CDH4: variants seen among roughly 807,000 people sequenced by gnomAD.
CDH4 encodes cadherin 4.
Under a neutral mutation model 86.0 loss-of-function variants are expected in CDH4, and 33 were observed. The ratio of observed to expected loss-of-function variants is 0.38; its 90% CI spans 0.29 to 0.51. The LOEUF (loss-of-function observed/expected upper bound fraction) is 0.51. Among genes scored for constraint, CDH4 ranks in the 20% least tolerant of loss-of-function variants. CDH4 has a pLI of 0.86. For synonymous variants in CDH4, 555 were observed against 549.4 expected (o/e 1.01, Z -0.14); for missense variants, 1,114 against 1,307.4 (o/e 0.85, Z 2.28).
intron 2 of CDH4, among the ~76,000 whole-genome samples, chr20:61,584,048 T>A (rs773554191): frequency 2.6e-5 from 4 of 152,122 alleles, no homozygotes; most frequent in Non-Finnish European, 5.9e-5. Context: ...TAGTCTCAGC[T>A]ACTTAGGAGG....
At position 61,545,814 on chromosome 20, in the gene CDH4, G is replaced by A. The variant is rs1156232696; in HGVS notation, c.170-197749G>A. Among the ~76,000 whole-genome samples, 9 of 150,794 alleles carry A rather than the reference G, an allele frequency of 6.0e-5. No individual in the cohort carries two copies. In the South Asian group the frequency reaches 8.5e-4, roughly 14 times the overall value. On this transcript the variant is annotated intron_variant, in intron 2 of 15. Transcript: ENST00000614565. ...TTGGGGGGTATGTGGGATACGGTGC[G>A]TGTTCACATGTGTGTATGTGTGTGT...
chr20:61,880,776 C>T (rs576638198), intron 7 of CDH4, among the ~76,000 whole-genome samples: 43 of 152,368 alleles, frequency 2.8e-4, no homozygotes, highest in African/African-American at 9.6e-4. Flanking sequence ...CTGGGCAGTG[C>T]GTGCTCTGAA....
intron 2 of CDH4, among the ~76,000 whole-genome samples, chr20:61,363,048 G>A (rs971689760): frequency 9.9e-5 from 15 of 152,172 alleles, no homozygotes; most frequent in African/African-American, 3.6e-4. Flanking sequence ...TGTGAGGACA[G>A]TGAGTTTCTT....
rs1366441603 is a variant in CDH4 at position 61,544,340 on chromosome 20, C to T, written c.170-199223C>T. On this transcript the variant is annotated intron_variant, in intron 2 of 15. Coordinates refer to ENST00000614565, the MANE Select transcript of CDH4 (RefSeq NM_001794.5). This position sits in a 1 kb window ranked among gnomAD's most constrained non-coding sequence, Gnocchi z 6.5. ...ACAGCCTCGCAGCAGAAGCATCCAG[C>T]TCCATGTATCACTCGTGTCCAGGCC... 2.0e-5 allele frequency among the ~76,000 whole-genome samples: 3 copies of T among 151,966 alleles called. No homozygotes were observed. Among genetic ancestry groups the T allele is most frequent in the Non-Finnish European group, 4.4e-5 (3 of 68,012 alleles).
intron 2 of CDH4, among the ~76,000 whole-genome samples, chr20:61,580,807 C>A (rs1233362514): frequency 3.9e-5 from 6 of 152,104 alleles, no homozygotes. Context: ...CAAAGTGGGC[C>A]GACCCCAGTC....
Position 61,809,902 on chromosome 20 carries a change from A to AGCG in CDH4, c.577-34765_577-34763dup, listed in dbSNP as rs544712686. ...CTGCAGGCCACAGACCGTGGTGAAG[A>AGCG]GCGTGTGCATTGCTCTCAGTGGCAC... is the stretch of plus-strand genomic sequence containing the variant. On this transcript the variant is annotated intron_variant, in intron 4 of 15. Coordinates refer to ENST00000614565, the MANE Select transcript of CDH4 (RefSeq NM_001794.5). Among the ~76,000 whole-genome samples the AGCG allele has an allele frequency of 4.0e-3, 616 of 152,146 alleles. 2 individuals are homozygous for AGCG. The highest frequency in any genetic ancestry group is 0.013 in the African/African-American group (548 of 41,504).
At chr20:61,627,179 C>T (rs527541319) in intron 2 of CDH4, among the ~76,000 whole-genome samples, 17 of 152,282 alleles carry the variant, frequency 1.1e-4, no homozygotes, top group African/African-American at 3.6e-4. Flanking sequence ...TTGGAGGACC[C>T]GTTCCAGGGG....
At chr20:61,425,485 T>C (rs1179788421) in intron 2 of CDH4, among the ~76,000 whole-genome samples, 2 of 152,136 alleles carry the variant, frequency 1.3e-5, no homozygotes, top group African/African-American at 4.8e-5. Flanking sequence ...GTCTCCAGCC[T>C]GGACCCCTGA....
At chr20:61,593,022 T>C (rs1240796049) in intron 2 of CDH4, among the ~76,000 whole-genome samples, 2 of 151,902 alleles carry the variant, frequency 1.3e-5, no homozygotes, top group Admixed American at 1.3e-4. Flanking sequence ...GAGGGTCAGG[T>C]CAGAGAAGAA....
intron 2 of CDH4, among the ~76,000 whole-genome samples, chr20:61,618,260 G>A (rs2086742007): frequency 6.6e-6 from 1 of 151,988 alleles, no homozygotes; most frequent in African/African-American, 2.4e-5. Flanking sequence ...AAGCATCCTG[G>A]GTAAATGTTC....
chr20:61,910,231 T>G (rs1390861755), intron 8 of CDH4, among the ~76,000 whole-genome samples, 191 bp from the exon 9 acceptor site: 4 of 150,646 alleles, frequency 2.7e-5, no homozygotes, highest in African/African-American at 4.9e-5. Flanking sequence ...GGCCGACACG[T>G]TGTGTTCTGT....
chr20:61,433,395 T>C (rs1267008222), intron 2 of CDH4, among the ~76,000 whole-genome samples: 1 of 152,106 alleles, frequency 6.6e-6, no homozygotes, highest in African/African-American at 2.4e-5. Context: ...GCGTTTCAAG[T>C]GAATCTTGAA....
intron 5 of CDH4, among the ~76,000 whole-genome samples, chr20:61,848,955 A>G (rs1982587972): frequency 6.6e-6 from 1 of 152,146 alleles, no homozygotes; most frequent in Non-Finnish European, 1.5e-5. Context: ...AGGTTCTAGG[A>G]GCAAGCTCGT....
At chr20:61,647,328 C>T (rs546585810) in intron 2 of CDH4, among the ~76,000 whole-genome samples, 1 of 152,158 alleles carries the variant, frequency 6.6e-6, no homozygotes, top group Non-Finnish European at 1.5e-5. Flanking sequence ...ATCTCCCTCA[C>T]GCTTTGCCCT....
rs1176914299 is a variant in CDH4 at position 61,663,923 on chromosome 20, A to G, written c.170-79640A>G. Among the ~76,000 whole-genome samples, 1 of 152,038 alleles carries G rather than the reference A, an allele frequency of 6.6e-6. No individual in the cohort carries two copies. Among genetic ancestry groups the G allele is most frequent in the Non-Finnish European group, 1.5e-5 (1 of 67,978 alleles). ...AGCATCTGTGCCCGCGGCAGTTTAGAGTGACACTGTCCTCTGTCCAGCACC... is the reference window on the plus strand; with the variant it reads ...AGCATCTGTGCCCGCGGCAGTTTAGGGTGACACTGTCCTCTGTCCAGCACC... On this transcript the variant is annotated intron_variant, in intron 2 of 15. Transcript: ENST00000614565. The surrounding 1 kb of genome is among the most constrained non-coding windows in gnomAD (Gnocchi z 5.0).
rs1452369483 is a variant in CDH4 at position 61,829,540 on chromosome 20, G to C, written c.577-15128G>C. ...GTGGGATTGCTGGGTCACGCATGCA[G>C]CAGCTCTGCTCGCCTTTCTGGAGGC... is the stretch of plus-strand genomic sequence containing the variant. On this transcript the variant is annotated intron_variant, in intron 4 of 15. Transcript: ENST00000614565. The surrounding 1 kb of genome is among the most constrained non-coding windows in gnomAD (Gnocchi z 4.2). Among the ~76,000 whole-genome samples, 1 of 152,232 alleles carries C rather than the reference G, an allele frequency of 6.6e-6. No individual in the cohort carries two copies. Among genetic ancestry groups the C allele is most frequent in the African/African-American group, 2.4e-5 (1 of 41,458 alleles).
rs1307068028 is a variant in CDH4 at position 61,684,947 on chromosome 20, G to A, written c.170-58616G>A. Among the ~76,000 whole-genome samples, 1 of 152,166 alleles carries A rather than the reference G, an allele frequency of 6.6e-6. No homozygotes were observed. The highest frequency in any genetic ancestry group is 1.5e-5 in the Non-Finnish European group (1 of 68,048). The stretch of plus-strand genomic sequence containing the variant: ...CCCTGTTTAAAGTGTACAATTCAAT[G>A]GTCCTTAGTCAATTCAGAGTTCCAT... On this transcript the variant is annotated intron_variant, in intron 2 of 15. Coordinates refer to ENST00000614565, the MANE Select transcript of CDH4 (RefSeq NM_001794.5). The surrounding 1 kb of genome is among the most constrained non-coding windows in gnomAD (Gnocchi z 4.5).
intron 4 of CDH4, among the ~76,000 whole-genome samples, chr20:61,835,210 C>T (rs1228010810): frequency 6.6e-6 from 1 of 151,642 alleles, no homozygotes; most frequent in Non-Finnish European, 1.5e-5. Flanking sequence ...GCCACCATGT[C>T]CAACTAAGTT....
At chr20:61,283,410 ATG>A (rs1348412843) in intron 2 of CDH4, among the ~76,000 whole-genome samples, 1 of 125,772 alleles carries the variant, frequency 8.0e-6, no homozygotes, top group African/African-American at 3.2e-5. Context: ...GGCGTGTGTG[ATG>A]TGTGTGCGTT....
Sources: allele counts gnomAD v4.1 joint callset (sites outside exome capture counted in the v4.1 genomes callset), GRCh38; gene constraint gnomAD v4.1.1; non-coding constraint Gnocchi (gnomAD v3.1); transcripts MANE v1.5; gene names NCBI Gene and HGNC (gene_info 2026-07-23, HGNC 2026-07-21).